PTPRN2: variants seen among roughly 807,000 people sequenced by gnomAD.
PTPRN2 encodes receptor-type tyrosine-protein phosphatase N2.
PTPRN2 carries 74 observed loss-of-function variants against 118.8 expected under a neutral mutation model. The observed-to-expected ratio is 0.62, with a 90% CI of 0.52 to 0.76. PTPRN2 has a LOEUF of 0.76. PTPRN2 is among the 30% of genes least tolerant of loss of function. The pLI, the probability that PTPRN2 is intolerant of heterozygous loss-of-function variation, is 0.00. For synonymous variants in PTPRN2, 641 were observed against 608.0 expected (o/e 1.05, Z -0.80); for missense variants, 1,481 against 1,394.4 (o/e 1.06, Z -0.99).
intron 12 of PTPRN2, among the ~76,000 whole-genome samples, chr7:157,746,910 C>G (rs1800983865): frequency 6.6e-6 from 1 of 151,628 alleles, no homozygotes; most frequent in South Asian, 2.1e-4. Context: ...TGAGGTGATT[C>G]TGAGGCCTGC....
intron 6 of PTPRN2, among the ~76,000 whole-genome samples, chr7:158,155,567 GCCATCATCACCAT>G (rs1821673571): frequency 1.2e-4 from 1 of 8,494 alleles, no homozygotes; most frequent in South Asian, 3.8e-3. Context: ...CATCATCATT[GCCATCATCACCAT>G]CACCATCATC....
intron 11 of PTPRN2, among the ~76,000 whole-genome samples, chr7:157,972,459 G>A (rs1802400857): frequency 6.6e-6 from 1 of 152,172 alleles, no homozygotes; most frequent in South Asian, 2.1e-4. Flanking sequence ...CCCTGTGGGA[G>A]AGACCACAGG....
Position 158,570,262 on chromosome 7 carries a change from C to T in PTPRN2, c.112+17296G>A, listed in dbSNP as rs989568962. Reference sequence around the variant, plus strand: ...CTTGGCCATGGGCCCTCGGTCCTCGCCCTGAGCAGCGCGCCGGGGTATAAG... The same window carrying T: ...CTTGGCCATGGGCCCTCGGTCCTCGTCCTGAGCAGCGCGCCGGGGTATAAG... On this transcript the variant is annotated intron_variant, in intron 1 of 22. Coordinates refer to ENST00000389418, the MANE Select transcript of PTPRN2 (RefSeq NM_002847.5). This position sits in a 1 kb window ranked among gnomAD's most constrained non-coding sequence, Gnocchi z 4.5. 2.0e-5 allele frequency among the ~76,000 whole-genome samples: 3 copies of T among 152,242 alleles called. No homozygotes were observed. The highest frequency in any genetic ancestry group is 4.4e-5 in the Non-Finnish European group (3 of 68,042).
chr7:157,889,229 G>T (rs545601924), intron 12 of PTPRN2, among the ~76,000 whole-genome samples: 2 of 152,030 alleles, frequency 1.3e-5, no homozygotes, highest in Admixed American at 6.5e-5. Flanking sequence ...GGTCAGACCC[G>T]CCTGGTTACC....
At chr7:158,413,619 G>A (rs932054849) in intron 2 of PTPRN2, among the ~76,000 whole-genome samples, 1 of 152,212 alleles carries the variant, frequency 6.6e-6, no homozygotes, top group South Asian at 2.1e-4. Flanking sequence ...GCTCCATGGC[G>A]ACCTCAGCAG....
intron 3 of PTPRN2, among the ~76,000 whole-genome samples, chr7:158,234,648 T>C (rs1447944300): frequency 6.6e-6 from 1 of 150,834 alleles, no homozygotes; most frequent in African/African-American, 2.4e-5. Context: ...TAAAAACATA[T>C]AGGTGGTAAA....
At chr7:157,926,066 G>T (rs1183066994) in intron 11 of PTPRN2, among the ~76,000 whole-genome samples, 1 of 40,810 alleles carries the variant, frequency 2.5e-5, no homozygotes, top group Non-Finnish European at 5.0e-5. Flanking sequence ...GCGAATGGAT[G>T]AATTTAATTT....
At chr7:158,370,587 C>T (rs1809907390) in intron 2 of PTPRN2, among the ~76,000 whole-genome samples, 1 of 152,092 alleles carries the variant, frequency 6.6e-6, no homozygotes, top group African/African-American at 2.4e-5. Context: ...CCCGTCTCTA[C>T]TAAAAATACA....
In PTPRN2 at chr7:157,656,500, G is replaced by A. The variant is rs768539954; in HGVS notation, c.2053C>T (p.Pro685Ser). Reference protein sequence around the residue: ...ATRPPDRPEGPHTSRISSVSS... With the variant: ...ATRPPDRPEGSHTSRISSVSS... ...ACGCTGCTGATGCGTGACGTGTGCG[G>A]GCCCTCAGGTCGGTCTGGTGGCCGC... The change falls in exon 14 of 23, where the codon CCG becomes TCG. Residue 685 changes from proline (P) to serine (S), a missense_variant. Transcript: ENST00000389418. 2 of 1,553,562 alleles carry A rather than the reference G, an allele frequency of 1.3e-6. No homozygotes were observed. Among genetic ancestry groups the A allele is most frequent in the Non-Finnish European group, 1.7e-6 (2 of 1,153,798 alleles).
chr7:157,635,187 A>C (rs932310348), intron 14 of PTPRN2, among the ~76,000 whole-genome samples: 1 of 152,246 alleles, frequency 6.6e-6, no homozygotes, highest in Non-Finnish European at 1.5e-5. Context: ...CCATAAGCTA[A>C]CTGTTTGCTC....
intron 11 of PTPRN2, among the ~76,000 whole-genome samples, chr7:157,975,566 C>T (rs1802681862): frequency 6.6e-6 from 1 of 152,122 alleles, no homozygotes; most frequent in Admixed American, 6.6e-5. Flanking sequence ...TGGGCGAGCT[C>T]CCTAGACCCG....
At position 158,336,849 on chromosome 7, in the gene PTPRN2, C is replaced by A. The variant is rs115675956; in HGVS notation, c.164-19917G>T. On this transcript the variant is annotated intron_variant, in intron 2 of 22. Coordinates refer to ENST00000389418, the MANE Select transcript of PTPRN2 (RefSeq NM_002847.5). Reference sequence around the variant, plus strand: ...CACCTGCAGACGTCACTCACCCACACTCTCACCATAAGAGCTGTCGCCCGC... The same window carrying A: ...CACCTGCAGACGTCACTCACCCACAATCTCACCATAAGAGCTGTCGCCCGC... 3.1e-5 allele frequency among the ~76,000 whole-genome samples: 3 copies of A among 97,688 alleles called. No individual in the cohort carries two copies. The South Asian group carries it at 1.1e-3, about 35-fold the overall frequency. The allele number at this position is 97,688 out of a possible 152,430, so 64.1% of individuals were successfully genotyped here.
At chr7:158,472,956 A>G (rs986212517) in intron 2 of PTPRN2, among the ~76,000 whole-genome samples, 14 of 151,574 alleles carry the variant, frequency 9.2e-5, no homozygotes, top group Admixed American at 1.3e-4. Flanking sequence ...ATTTGCCCAC[A>G]CTGCACTGCT....
intron 2 of PTPRN2, among the ~76,000 whole-genome samples, chr7:158,442,646 A>G (rs1417789771): frequency 6.6e-6 from 1 of 152,156 alleles, no homozygotes; most frequent in East Asian, 1.9e-4. Flanking sequence ...CTTCACCATG[A>G]TTATTTTGGG....
rs571791305 is a variant in PTPRN2, at chr7:157,974,134, T to C, written c.1724-75397A>G. Among the ~76,000 whole-genome samples the C allele has an allele frequency of 3.3e-5, 5 of 152,312 alleles. No individual in the cohort carries two copies. The East Asian group carries it at 7.7e-4, about 24-fold the overall frequency. ...GACGGTGGGTTGGCGGTGTTGACGCTGCACAGGTCATGAGCGCCGGCCCTG... is the reference window on the plus strand; with the variant it reads ...GACGGTGGGTTGGCGGTGTTGACGCCGCACAGGTCATGAGCGCCGGCCCTG... On this transcript the variant is annotated intron_variant, in intron 11 of 22. Transcript: ENST00000389418. The surrounding 1 kb of genome is among the most constrained non-coding windows in gnomAD (Gnocchi z 4.0).
At chr7:158,313,755 CT>C (rs1802066839) in intron 3 of PTPRN2, among the ~76,000 whole-genome samples, 1 of 152,194 alleles carries the variant, frequency 6.6e-6, no homozygotes, top group Non-Finnish European at 1.5e-5. Flanking sequence ...TAGGAGTTAC[CT>C]TTTGCCATTA....
intron 1 of PTPRN2, among the ~76,000 whole-genome samples, chr7:158,533,349 T>C (rs1467155023): frequency 6.6e-6 from 1 of 152,192 alleles, no homozygotes; most frequent in Non-Finnish European, 1.5e-5. Context: ...CCAAACTCAC[T>C]TGTTGAGCAA....
At chr7:157,562,060 C>T (rs1415015972) in intron 21 of PTPRN2, among the ~76,000 whole-genome samples, 2 of 152,160 alleles carry the variant, frequency 1.3e-5, no homozygotes, top group East Asian at 1.9e-4. Context: ...GTGCGCCCCC[C>T]ACGCCACAGA....
rs869191127 is a variant in PTPRN2, at chr7:158,210,131, CTTT to C, written c.278-4861_278-4859del. 5.5e-5 allele frequency among the ~76,000 whole-genome samples: 6 copies of C among 108,664 alleles called. No homozygotes were observed. In the South Asian group the frequency reaches 1.0e-3, roughly 19 times the overall value. The allele number at this position is 108,664 out of a possible 152,430, so 71.3% of individuals were successfully genotyped here. A position where few individuals can be genotyped will look rare whatever the true frequency, so the allele number is the denominator to read the frequency against. On this transcript the variant is annotated intron_variant, in intron 3 of 22. Transcript: ENST00000389418. ...ACCCTCAAACAATCTAATGATGCAT[CTTT>C]TTTTTTTTTTTTTTTTTTTGAGACG...
Sources: gnomAD v4.1 joint callset for allele counts (sites outside exome capture counted in the v4.1 genomes callset) on GRCh38, gnomAD v4.1.1 for gene constraint, Gnocchi (gnomAD v3.1) non-coding constraint, MANE v1.5 for transcripts, NCBI Gene and HGNC (gene_info 2026-07-23, HGNC 2026-07-21) for gene names.